Variants in BBX observed in about 807,000 individuals in gnomAD.
BBX encodes BBX high mobility group box domain containing, also known as HMG box transcription factor BBX.
BBX carries 30 observed loss-of-function variants against 100.2 expected under a neutral mutation model. The ratio of observed to expected loss-of-function variants is 0.30; its 90% CI spans 0.22 to 0.41. The LOEUF is 0.41. Among genes scored for constraint, BBX ranks in the 10% least tolerant of loss-of-function variants. The probability of loss-of-function intolerance (pLI) is 1.00; values close to 1 mark genes in which losing one functional copy is unlikely to be tolerated. For synonymous variants in BBX, 376 were observed against 388.1 expected (o/e 0.97, Z 0.37); for missense variants, 1,023 against 1,129.8 (o/e 0.91, Z 1.35).
At chr3:107,651,888 TTTTAGCAGCCTGTAGCCA>T (rs2057861042) in intron 3 of BBX, among the ~76,000 whole-genome samples, 1 of 152,166 alleles carries the variant, frequency 6.6e-6, no homozygotes, top group Non-Finnish European at 1.5e-5. Context: ...TGTTTTAGGC[TTTTAGCAGCCTGTAGCCA>T]TGGTTTTTAG....
chr3:107,641,324 A>G (rs1304704591), intron 2 of BBX, among the ~76,000 whole-genome samples: 1 of 152,036 alleles, frequency 6.6e-6, no homozygotes, highest in Admixed American at 6.5e-5. Flanking sequence ...AGCTCAAGTG[A>G]TCCACCTGCC....
intron 2 of BBX, among the ~76,000 whole-genome samples, chr3:107,642,912 C>T (rs1006304036): frequency 1.3e-5 from 2 of 152,042 alleles, no homozygotes; most frequent in African/African-American, 2.4e-5. Flanking sequence ...TTAGTTAAAG[C>T]TTAATCTATT....
intron 7 of BBX, among the ~76,000 whole-genome samples, chr3:107,740,523 G>A (rs2064006653): frequency 6.6e-6 from 1 of 152,014 alleles, no homozygotes; most frequent in Non-Finnish European, 1.5e-5. Context: ...GCACTCCACT[G>A]ACAGAATTAC....
intron 2 of BBX, among the ~76,000 whole-genome samples, chr3:107,546,953 A>T (rs1559796879): frequency 6.6e-6 from 1 of 152,138 alleles, no homozygotes; most frequent in Non-Finnish European, 1.5e-5. Context: ...TAGTTTATTT[A>T]TTCTGACTTG....
chr3:107,624,241 C>G (rs2055996791), intron 2 of BBX, among the ~76,000 whole-genome samples: 2 of 152,190 alleles, frequency 1.3e-5, no homozygotes, highest in Admixed American at 6.5e-5. Flanking sequence ...TAGAATACCT[C>G]TGGCATATAG....
intron 4 of BBX, 128 bp from the exon 5 acceptor site, chr3:107,716,479 T>C: frequency 2.6e-6 from 3 of 1,154,966 alleles, no homozygotes; most frequent in South Asian, 1.6e-5. Flanking sequence ...TAAAATTATA[T>C]TTTTTTCAAT....
At chr3:107,683,174 G>A (rs2059658984) in intron 3 of BBX, among the ~76,000 whole-genome samples, 2 of 152,034 alleles carry the variant, frequency 1.3e-5, no homozygotes. Flanking sequence ...AAATGTTACT[G>A]TAAATGCATT....
intron 2 of BBX, among the ~76,000 whole-genome samples, chr3:107,610,438 G>A (rs1032794361): frequency 6.6e-6 from 1 of 151,926 alleles, no homozygotes; most frequent in African/African-American, 2.4e-5. Context: ...GCTGAAAGTG[G>A]GGTGTTGAAG....
At chr3:107,730,153 G>C (rs1237159227) in intron 6 of BBX, among the ~76,000 whole-genome samples, 1 of 152,166 alleles carries the variant, frequency 6.6e-6, no homozygotes, top group Non-Finnish European at 1.5e-5. Flanking sequence ...TGATTGCTAT[G>C]TGGGTGTCTG....
intron 7 of BBX, among the ~76,000 whole-genome samples, chr3:107,739,225 A>G (rs960377290): frequency 2.0e-5 from 3 of 152,212 alleles, no homozygotes; most frequent in African/African-American, 7.2e-5. Context: ...TGCCTCCTTT[A>G]GGCTGCTAAA....
intron 3 of BBX, among the ~76,000 whole-genome samples, chr3:107,691,540 A>G (rs1453861255): frequency 1.3e-5 from 2 of 152,242 alleles, no homozygotes; most frequent in African/African-American, 4.8e-5. Context: ...GAAAATATTT[A>G]ACATAAAAAT....
intron 9 of BBX, among the ~76,000 whole-genome samples, chr3:107,749,077 T>C (rs1365585736): frequency 6.6e-6 from 1 of 152,208 alleles, no homozygotes; most frequent in East Asian, 1.9e-4. Context: ...CCTGCTTATG[T>C]ATTAGGCTTC....
At chr3:107,772,572 A>C in intron 10 of BBX, 56 bp from the exon 11 acceptor site, 1 of 1,482,024 alleles carries the variant, frequency 6.7e-7, no homozygotes, top group Non-Finnish European at 9.0e-7. Flanking sequence ...TTAATTTTGA[A>C]GGTGGAATAA....
intron 2 of BBX, among the ~76,000 whole-genome samples, chr3:107,584,165 ATTAT>A (rs1475173006): frequency 4.5e-5 from 1 of 22,048 alleles, no homozygotes; most frequent in Non-Finnish European, 7.8e-5. Context: ...TGATATATAT[ATTAT>A]TATATATATT....
chr3:107,644,436 T>C (rs969359357), intron 2 of BBX, among the ~76,000 whole-genome samples: 5 of 152,180 alleles, frequency 3.3e-5, no homozygotes, highest in African/African-American at 1.2e-4. Context: ...TATTTACTCA[T>C]CTGTTTCATA....
chr3:107,639,798 A>G (rs1312057173), intron 2 of BBX, among the ~76,000 whole-genome samples: 3 of 152,190 alleles, frequency 2.0e-5, no homozygotes, highest in South Asian at 2.1e-4. Flanking sequence ...GCTAATGTAT[A>G]TTGAAATTGG....
At chr3:107,647,826 C>T (rs1289202485) in intron 3 of BBX, among the ~76,000 whole-genome samples, 3 of 152,308 alleles carry the variant, frequency 2.0e-5, no homozygotes, top group East Asian at 1.9e-4. Flanking sequence ...GCTCCGTGTC[C>T]TCTTCATTCT....
chr3:107,566,041 G>A (rs919626921), intron 2 of BBX, among the ~76,000 whole-genome samples: 3 of 151,766 alleles, frequency 2.0e-5, no homozygotes, highest in Admixed American at 6.6e-5. Flanking sequence ...CAGGCATGGT[G>A]GTGGATGCCT....
chr3:107,794,493 T>C (rs1440359423), intron 15 of BBX, among the ~76,000 whole-genome samples: 1 of 152,192 alleles, frequency 6.6e-6, no homozygotes, highest in African/African-American at 2.4e-5. Flanking sequence ...ATTCACTTCT[T>C]TGCAGTGTAT....
Sources: allele counts gnomAD v4.1 joint callset (sites outside exome capture counted in the v4.1 genomes callset), GRCh38; gene constraint gnomAD v4.1.1; transcripts MANE v1.5; gene names NCBI Gene and HGNC (gene_info 2026-07-23, HGNC 2026-07-21).